Variants in TET1 observed in about 807,000 individuals in gnomAD.
The protein encoded by TET1 is methylcytosine dioxygenase TET1.
TET1 carries 13 observed loss-of-function variants against 148.7 expected under a neutral mutation model. The ratio of observed to expected loss-of-function variants is 0.09; its 90% CI spans 0.06 to 0.14. The LOEUF is 0.14. TET1 is among the 10% of genes least tolerant of loss of function. The probability of loss-of-function intolerance (pLI) is 1.00; values close to 1 mark genes in which losing one functional copy is unlikely to be tolerated. For missense variants in TET1, 2,182 were observed against 2,553.8 expected (o/e 0.85, Z 3.14); for synonymous variants, 907 against 937.2 (o/e 0.97, Z 0.59).
chr10:68,624,154 T>C (rs897179417), intron 3 of TET1, among the ~76,000 whole-genome samples: 2 of 151,296 alleles, frequency 1.3e-5, no homozygotes, highest in Non-Finnish European at 2.9e-5. Flanking sequence ...TGGAGTGCAG[T>C]GTCGCAATCT....
At chr10:68,609,449 C>T (rs1250654894) in intron 3 of TET1, among the ~76,000 whole-genome samples, 1 of 152,144 alleles carries the variant, frequency 6.6e-6, no homozygotes, top group Non-Finnish European at 1.5e-5. Flanking sequence ...GCATGAGCCA[C>T]TGCCCCCGGC....
chr10:68,647,877 C>T (rs1337495531), intron 4 of TET1, among the ~76,000 whole-genome samples: 1 of 152,074 alleles, frequency 6.6e-6, no homozygotes, highest in Non-Finnish European at 1.5e-5. Flanking sequence ...CTAATACTGT[C>T]TTTTTTTGTC....
Position 68,681,395 on chromosome 10 carries a change from A to G in TET1, c.4825-4A>G, listed in dbSNP as rs553813491. 26 of 1,606,330 alleles carry G rather than the reference A, an allele frequency of 1.6e-5. No homozygotes were observed. The East Asian group carries it at 4.7e-4, about 29-fold the overall frequency. ...AATACCTAATGGATTCTGTTTTCCT[A>G]TAGGAAAAAAACCTTGAAGATAACT... On this transcript the variant is annotated splice_polypyrimidine_tract_variant and splice_region_variant and intron_variant, in intron 8 of 11. Coordinates refer to ENST00000373644, the MANE Select transcript of TET1 (RefSeq NM_030625.3).
intron 4 of TET1, among the ~76,000 whole-genome samples, chr10:68,647,930 C>T (rs2054876693): frequency 6.6e-6 from 1 of 152,160 alleles, no homozygotes; most frequent in African/African-American, 2.4e-5. Context: ...TTCTATTTCT[C>T]TGCAATACAA....
chr10:68,663,695 T>C (rs1383660271), intron 6 of TET1, among the ~76,000 whole-genome samples: 2 of 152,222 alleles, frequency 1.3e-5, no homozygotes, highest in Admixed American at 6.5e-5. Flanking sequence ...ATAGTATTCA[T>C]TGACATTAGG....
chr10:68,575,462 G>C (rs2053717400), intron 2 of TET1, among the ~76,000 whole-genome samples: 1 of 152,122 alleles, frequency 6.6e-6, no homozygotes, highest in Non-Finnish European at 1.5e-5. Context: ...TGTAATCCCA[G>C]GACTTTGGGA....
chr10:68,566,733 A>G (rs952673091), intron 1 of TET1, among the ~76,000 whole-genome samples: 3 of 152,156 alleles, frequency 2.0e-5, no homozygotes, highest in South Asian at 2.1e-4. Flanking sequence ...GAACAGAACC[A>G]AAAGGAGATC....
chr10:68,620,632 G>A (rs906952843), intron 3 of TET1, among the ~76,000 whole-genome samples: 5 of 149,940 alleles, frequency 3.3e-5, no homozygotes, highest in Non-Finnish European at 5.9e-5. Context: ...TCCTGCTATA[G>A]TCATTCATGT....
At chr10:68,616,884 T>A (rs1454124174) in intron 3 of TET1, among the ~76,000 whole-genome samples, 1 of 150,608 alleles carries the variant, frequency 6.6e-6, no homozygotes, top group African/African-American at 2.4e-5. Flanking sequence ...ATTTTTTGTA[T>A]TTTTAGTAGA....
rs148026296 is a variant in TET1 at position 68,568,586 on chromosome 10, G to A, written c.-122-3631G>A. Among the ~76,000 whole-genome samples, 14 of 152,304 alleles carry A rather than the reference G, an allele frequency of 9.2e-5. No homozygotes were observed. In the East Asian group the frequency reaches 1.9e-3, roughly 21 times the overall value. ...GACTGTTGATATCCTACTATAGTGA[G>A]CTTTGCTTTTGCTTAGAGCTTCATC... On this transcript the variant is annotated intron_variant, in intron 1 of 11. Transcript: ENST00000373644.
intron 6 of TET1, among the ~76,000 whole-genome samples, chr10:68,656,534 T>C (rs2133132574): frequency 6.6e-6 from 1 of 152,248 alleles, no homozygotes; most frequent in East Asian, 1.9e-4. Flanking sequence ...AGTGCTAAAA[T>C]AGATTTTTTA....
chr10:68,646,188 C>T lies in TET1; in HGVS notation c.3459C>T (p.Thr1153=). 3.1e-6 allele frequency: 5 copies of T among 1,613,850 alleles called. No individual in the cohort carries two copies. Among genetic ancestry groups the T allele is most frequent in the South Asian group, 1.1e-5 (1 of 91,024 alleles). The change falls in exon 4 of 12, where the codon ACC becomes ACT. Residue 1153 remains threonine, a synonymous_variant. Transcript: ENST00000373644. ...CAACCCAGAAAAAGACAAAATCCAC[C>T]CCATCAAGAGATCGGCGGAAAAAGA... ...KNPTQKKTKS[T]PSRDRRKKKP... is the part of the protein sequence containing the mutation.
At chr10:68,598,436 A>C (rs2054012086) in intron 2 of TET1, among the ~76,000 whole-genome samples, 1 of 152,246 alleles carries the variant, frequency 6.6e-6, no homozygotes, top group Non-Finnish European at 1.5e-5. Flanking sequence ...TTTCATCACA[A>C]TTTAAAAAAA....
chr10:68,680,352 C>A (rs1297596337), intron 8 of TET1, among the ~76,000 whole-genome samples: 15 of 152,038 alleles, frequency 9.9e-5, no homozygotes, highest in Non-Finnish European at 1.5e-5. Flanking sequence ...ACGTGTTTTT[C>A]TTTTTTGAGA....
chr10:68,667,432 G>A (rs940067456), intron 7 of TET1, among the ~76,000 whole-genome samples, 176 bp downstream of exon 7: 1 of 152,084 alleles, frequency 6.6e-6, no homozygotes, highest in Admixed American at 6.6e-5. Flanking sequence ...AGTGAGTTAA[G>A]GTTACTTTAA....
At chr10:68,593,682 G>C (rs975931126) in intron 2 of TET1, among the ~76,000 whole-genome samples, 1 of 151,794 alleles carries the variant, frequency 6.6e-6, no homozygotes, top group South Asian at 2.1e-4. Flanking sequence ...GTGCGATCTC[G>C]GCTCACTGCA....
At chr10:68,644,190 A>G (rs2054804392) in intron 3 of TET1, among the ~76,000 whole-genome samples, 2 of 147,886 alleles carry the variant, frequency 1.4e-5, no homozygotes, top group South Asian at 4.3e-4. Flanking sequence ...GGCATGAGCC[A>G]CCACCCCTGG....
At chr10:68,658,227 CT>C (rs1240958270) in intron 6 of TET1, among the ~76,000 whole-genome samples, 1 of 151,692 alleles carries the variant, frequency 6.6e-6, no homozygotes, top group African/African-American at 2.4e-5. Context: ...CTCTTGTCTT[CT>C]TTTTTTTGAA....
intron 7 of TET1, among the ~76,000 whole-genome samples, chr10:68,669,723 C>T (rs1041871931): frequency 6.6e-6 from 1 of 151,450 alleles, no homozygotes; most frequent in Admixed American, 6.6e-5. Context: ...AATCTTGGCT[C>T]ACTGCAACCT....
Sources: gnomAD v4.1 joint callset for allele counts (sites outside exome capture counted in the v4.1 genomes callset) on GRCh38, gnomAD v4.1.1 for gene constraint, MANE v1.5 for transcripts, NCBI Gene and HGNC (gene_info 2026-07-23, HGNC 2026-07-21) for gene names.